The following USP5 variants were observed in gnomAD, a reference collection of about 807,000 sequenced individuals.
USP5 encodes ubiquitin specific peptidase 5, also known as ubiquitin carboxyl-terminal hydrolase 5.
In USP5, 24 loss-of-function variants were observed where a neutral mutation model predicts 102.5. The ratio of observed to expected loss-of-function variants is 0.23; its 90% CI spans 0.17 to 0.33. The LOEUF (loss-of-function observed/expected upper bound fraction) is 0.33. Among genes scored for constraint, USP5 ranks in the 10% least tolerant of loss-of-function variants. The probability of loss-of-function intolerance (pLI) is 1.00; values close to 1 mark genes in which losing one functional copy is unlikely to be tolerated. For missense variants in USP5, 753 were observed against 1,122.1 expected (o/e 0.67, Z 4.70); for synonymous variants, 460 against 434.8 (o/e 1.06, Z -0.72).
chr12:6,856,501 G>T lies in USP5; in HGVS notation c.584+51G>T. The T allele has an allele frequency of 6.4e-7, 1 of 1,570,472 alleles. No individual in the cohort carries two copies. Among genetic ancestry groups the T allele is most frequent in the South Asian group, 1.2e-5 (1 of 84,088 alleles). On this transcript the variant is annotated intron_variant, in intron 5 of 19. Coordinates refer to ENST00000229268, the MANE Select transcript of USP5 (RefSeq NM_001098536.2). The surrounding 1 kb of genome is among the most constrained non-coding windows in gnomAD (Gnocchi z 5.6). ...GCACCACCCCCAGAGCAAGGACAAG[G>T]AGCCCACTTTTCTGGGGGATCTGGT...
In USP5 at chr12:6,858,857, T is replaced by TAA; in HGVS notation, c.1058+251_1058+252dup. ...AACATAGCGAGACCCTGTCTTCTCT[T>TAA]AAAAAAAAAAAAGAATAATTCCTGT... is the stretch of plus-strand genomic sequence containing the variant. On this transcript the variant is annotated intron_variant, in intron 8 of 19. Coordinates refer to ENST00000229268, the MANE Select transcript of USP5 (RefSeq NM_001098536.2). This position sits in a 1 kb window ranked among gnomAD's most constrained non-coding sequence, Gnocchi z 4.2. The TAA allele has an allele frequency of 1.6e-4, 50 of 322,358 alleles. No individual in the cohort carries two copies. The highest frequency in any genetic ancestry group is 2.4e-4 in the East Asian group (5 of 21,100). 20.0% of individuals were successfully genotyped at this position (322,358 alleles called of 1,614,324 possible). A position where few individuals can be genotyped will look rare whatever the true frequency, so the allele number is the denominator to read the frequency against.
chr12:6,853,573 A>G (rs1944012917), intron 1 of USP5, among the ~76,000 whole-genome samples: 1 of 152,194 alleles, frequency 6.6e-6, no homozygotes. Flanking sequence ...TTTTTCTTAA[A>G]TTACCAGCAG....
intron 1 of USP5, 139 bp downstream of exon 1, chr12:6,852,429 C>G: frequency 1.1e-6 from 1 of 911,344 alleles, no homozygotes; most frequent in Non-Finnish European, 1.6e-6. Flanking sequence ...TCCACTCTGC[C>G]GTTGCCTTTC....
chr12:6,862,747 G>A (rs1293536905), intron 14 of USP5, among the ~76,000 whole-genome samples, 189 bp downstream of exon 14: 2 of 152,116 alleles, frequency 1.3e-5, no homozygotes, highest in African/African-American at 4.8e-5. Context: ...ATTGTTATAG[G>A]TATGATTTAC....
chr12:6,853,020 G>A (rs1234576242), intron 1 of USP5, among the ~76,000 whole-genome samples: 1 of 146,854 alleles, frequency 6.8e-6, no homozygotes, highest in Non-Finnish European at 1.5e-5. Flanking sequence ...TTCCCATCCC[G>A]CTCCCACTCT....
Position 6,856,279 on chromosome 12 carries a change from T to A in USP5, c.439-26T>A. On this transcript the variant is annotated intron_variant, in intron 4 of 19. Coordinates refer to ENST00000229268, the MANE Select transcript of USP5 (RefSeq NM_001098536.2). This position sits in a 1 kb window ranked among gnomAD's most constrained non-coding sequence, Gnocchi z 5.6. Reference sequence around the variant, plus strand: ...GCATGTGGGGCAGGGGGTTGGGTATTGCCTCTGACCCTCTGCTTCCCCCAG... The same window carrying A: ...GCATGTGGGGCAGGGGGTTGGGTATAGCCTCTGACCCTCTGCTTCCCCCAG... 1 of 1,607,898 alleles carries A rather than the reference T, an allele frequency of 6.2e-7. No homozygotes were observed. The highest frequency in any genetic ancestry group is 1.3e-5 in the African/African-American group (1 of 74,908).
chr12:6,855,333 T>G lies in USP5; in HGVS notation c.112-68T>G. The G allele has an allele frequency of 6.3e-7, 1 of 1,585,756 alleles. No homozygotes were observed. The highest frequency in any genetic ancestry group is 1.1e-5 in the South Asian group (1 of 87,536). On this transcript the variant is annotated intron_variant, in intron 1 of 19. Coordinates refer to ENST00000229268, the MANE Select transcript of USP5 (RefSeq NM_001098536.2). The surrounding 1 kb of genome is among the most constrained non-coding windows in gnomAD (Gnocchi z 4.6). ...AACCCAGCAGTTTCTGACTCCAGGTTTTGGTTTCCTCACCTGACCAGGCTT... is the reference window on the plus strand; with the variant it reads ...AACCCAGCAGTTTCTGACTCCAGGTGTTGGTTTCCTCACCTGACCAGGCTT...
Position 6,856,333 on chromosome 12 carries a change from C to T in USP5, c.467C>T (p.Ser156Leu), listed in dbSNP as rs782095332. ...RVTSAVEALL[S>L]ADSASRKQEV... ...ACCAGTGCAGTGGAGGCCCTACTGT[C>T]GGCCGACTCAGCCTCCCGCAAGCAG... is the stretch of plus-strand genomic sequence containing the variant. Residue 156 changes from serine to leucine, a missense_variant, in exon 5 of 20, where the codon TCG becomes TTG. Coordinates refer to ENST00000229268, the MANE Select transcript of USP5 (RefSeq NM_001098536.2). The surrounding 1 kb of genome is among the most constrained non-coding windows in gnomAD (Gnocchi z 5.6). 36 of 1,613,528 alleles carry T rather than the reference C, an allele frequency of 2.2e-5. No homozygotes were observed. The highest frequency in any genetic ancestry group is 3.0e-5 in the Non-Finnish European group (35 of 1,179,806).
intron 14 of USP5, 132 bp downstream of exon 14, chr12:6,862,690 TTATC>T: frequency 2.6e-6 from 2 of 757,664 alleles, no homozygotes; most frequent in Non-Finnish European, 4.3e-6. Flanking sequence ...GTTTCAAAAT[TTATC>T]TAGTTTGAAA....
Position 6,856,550 on chromosome 12 carries a change from C to A in USP5, c.584+100C>A. On this transcript the variant is annotated intron_variant, in intron 5 of 19. Coordinates refer to ENST00000229268, the MANE Select transcript of USP5 (RefSeq NM_001098536.2). The surrounding 1 kb of genome is among the most constrained non-coding windows in gnomAD (Gnocchi z 5.6). ...GTGGGAGAGAGGGTAGGGAGCAGGA[C>A]AGGAAGGGAAGCTTGGAAATGAACA... The A allele has an allele frequency of 6.5e-7, 1 of 1,546,794 alleles. No homozygotes were observed. The highest frequency in any genetic ancestry group is 8.7e-7 in the Non-Finnish European group (1 of 1,148,536).
rs782689914 is a variant in USP5, at chr12:6,865,200, C to T, written c.2435C>T (p.Thr812Ile). ...TTTGCCTTCATTAGTCACATGGGCA[C>T]CTCTACCATGTGTGGTCACTACGTC... ...QLFAFISHMG[T>I]STMCGHYVCH... Residue 812 changes from threonine to isoleucine, a missense_variant, in exon 19 of 20, where the codon ACC (threonine) becomes ATC (isoleucine). Physicochemically the swap from Thr to Ile is moderately conservative, Grantham distance 89. Around this residue, in one of 3 missense-constraint regions of USP5, gnomAD observed 33 missense variants for 75.3 expected, o/e 0.44. Transcript: ENST00000229268. The T allele has an allele frequency of 1.9e-6, 3 of 1,614,070 alleles. No homozygotes were observed. Among genetic ancestry groups the T allele is most frequent in the Middle Eastern group, 1.6e-4 (1 of 6,062 alleles).
intron 7 of USP5, among the ~76,000 whole-genome samples, 158 bp downstream of exon 7, chr12:6,857,881 G>A (rs1199575729): frequency 6.6e-6 from 1 of 152,190 alleles, no homozygotes; most frequent in Non-Finnish European, 1.5e-5. Context: ...CATTTATTCA[G>A]TGAATAGTAC....
chr12:6,860,535 A>T lies in USP5; in HGVS notation c.1344+44A>T. 6.2e-7 allele frequency: 1 copy of T among 1,609,340 alleles called. No individual in the cohort carries two copies. Among genetic ancestry groups the T allele is most frequent in the Non-Finnish European group, 8.5e-7 (1 of 1,179,208 alleles). On this transcript the variant is annotated intron_variant, in intron 11 of 19. Transcript: ENST00000229268. The surrounding 1 kb of genome is among the most constrained non-coding windows in gnomAD (Gnocchi z 5.5). ...GCACACCCCCATCTTCCTGCAATTT[A>T]CTCGCTCTCCTTCCTGCCCATTTCT... is the stretch of plus-strand genomic sequence containing the variant.
At chr12:6,853,419 A>T (rs1944005575) in intron 1 of USP5, among the ~76,000 whole-genome samples, 1 of 152,192 alleles carries the variant, frequency 6.6e-6, no homozygotes, top group Non-Finnish European at 1.5e-5. Flanking sequence ...TGCTTCTCTG[A>T]AGTCTGGCTT....
chr12:6,862,344 A>T (rs1555129730), intron 13 of USP5, 126 bp from the exon 14 acceptor site: 2 of 816,606 alleles, frequency 2.4e-6, no homozygotes, highest in East Asian at 5.0e-5. Context: ...AGGGGAAGAG[A>T]AGAATATGGA....
intron 19 of USP5, among the ~76,000 whole-genome samples, chr12:6,865,532 G>C (rs1008976023): frequency 6.6e-6 from 1 of 152,150 alleles, no homozygotes; most frequent in African/African-American, 2.4e-5. Context: ...CAAAGTGCTA[G>C]GATTACAGGC....
At chr12:6,859,989 C>T (rs1944230587) in intron 9 of USP5, among the ~76,000 whole-genome samples, 162 bp from the exon 10 acceptor site, 1 of 152,168 alleles carries the variant, frequency 6.6e-6, no homozygotes, top group Admixed American at 6.5e-5. Flanking sequence ...GGGTGACTGT[C>T]TTCTGGACGT....
chr12:6,856,940 T>G lies in USP5; in HGVS notation c.769+49T>G, dbSNP rs1555128473. The G allele has an allele frequency of 6.3e-7, 1 of 1,586,318 alleles. No individual in the cohort carries two copies. On this transcript the variant is annotated intron_variant, in intron 6 of 19. Coordinates refer to ENST00000229268, the MANE Select transcript of USP5 (RefSeq NM_001098536.2). The surrounding 1 kb of genome is among the most constrained non-coding windows in gnomAD (Gnocchi z 5.6). Reference sequence around the variant, plus strand: ...ACTCTCATGCTTAAATATATTTCATTTGTTAGTAATTTCGTGTGACATGTA... The same window carrying G: ...ACTCTCATGCTTAAATATATTTCATGTGTTAGTAATTTCGTGTGACATGTA...
chr12:6,854,013 A>G lies in USP5; in HGVS notation c.112-1388A>G, dbSNP rs782753782. Reference sequence around the variant, plus strand: ...TTGCTCAAAGCCTTGGATCTGAGGGAAGACCCTTATTGTCTCCAATTTCCT... The same window carrying G: ...TTGCTCAAAGCCTTGGATCTGAGGGGAGACCCTTATTGTCTCCAATTTCCT... On this transcript the variant is annotated intron_variant, in intron 1 of 19. Transcript: ENST00000229268. 3.3e-5 allele frequency among the ~76,000 whole-genome samples: 5 copies of G among 152,286 alleles called. No individual in the cohort carries two copies. The East Asian group carries it at 7.7e-4, about 23-fold the overall frequency.
Sources: gnomAD v4.1 joint callset for allele counts (sites outside exome capture counted in the v4.1 genomes callset) on GRCh38, gnomAD v4.1.1 for gene constraint, gnomAD v4.1.1 regional missense constraint, Gnocchi (gnomAD v3.1) non-coding constraint, MANE v1.5 for transcripts, NCBI Gene and HGNC (gene_info 2026-07-23, HGNC 2026-07-21) for gene names.